COPB1: variants seen among roughly 807,000 people sequenced by gnomAD.
COPB1 encodes the protein coat protein complex I subunit beta 1, also known as coatomer subunit beta.
Under a neutral mutation model 108.7 loss-of-function variants are expected in COPB1, and 21 were observed. The ratio of observed to expected loss-of-function variants is 0.19; its 90% CI spans 0.14 to 0.28. The LOEUF (loss-of-function observed/expected upper bound fraction) is 0.28. Among genes scored for constraint, COPB1 ranks in the 10% least tolerant of loss-of-function variants. The probability of loss-of-function intolerance (pLI) is 1.00; values close to 1 mark genes in which losing one functional copy is unlikely to be tolerated. For missense variants in COPB1, 919 were observed against 1,141.3 expected, an observed-to-expected ratio of 0.81 and a Z score of 2.81; for synonymous variants, 378 against 386.8, an observed-to-expected ratio of 0.98 and a Z score of 0.27.
chr11:14,470,011 A>G (rs1850366598), intron 14 of COPB1, among the ~76,000 whole-genome samples: 1 of 152,214 alleles, frequency 6.6e-6, no homozygotes, highest in Non-Finnish European at 1.5e-5. Context: ...TTCATCTCCT[A>G]AGAGTCAGAA....
At chr11:14,482,572 T>C (rs1349998352) in intron 8 of COPB1, among the ~76,000 whole-genome samples, 2 of 152,158 alleles carry the variant, frequency 1.3e-5, no homozygotes. Flanking sequence ...TCTCACTCTG[T>C]TGCCCAGGCT....
At chr11:14,492,829 T>C (rs1423023125) in intron 4 of COPB1, among the ~76,000 whole-genome samples, 1 of 152,160 alleles carries the variant, frequency 6.6e-6, no homozygotes, top group Non-Finnish European at 1.5e-5. Context: ...TTCATCTAAC[T>C]GGTTCCTTAA....
chr11:14,496,472 GATACCTA>G (rs1196170079), intron 2 of COPB1, among the ~76,000 whole-genome samples: 2 of 152,012 alleles, frequency 1.3e-5, no homozygotes, highest in East Asian at 3.9e-4. Context: ...GATAAAATTA[GATACCTA>G]GGAATTAATT....
intron 11 of COPB1, chr11:14,479,009 C>A (rs2134112343): frequency 7.0e-6 from 1 of 142,026 alleles, no homozygotes; most frequent in Non-Finnish European, 1.5e-5. Context: ...ATTTTCTTCT[C>A]ACAAAGGAAG....
chr11:14,462,386 C>A (rs539826268), intron 18 of COPB1, among the ~76,000 whole-genome samples: 25 of 152,212 alleles, frequency 1.6e-4, no homozygotes, highest in Non-Finnish European at 3.1e-4. Context: ...GCGCCTGCCA[C>A]CGCGCCTGGC....
intron 18 of COPB1, among the ~76,000 whole-genome samples, chr11:14,462,565 T>C (rs2134093902): frequency 6.6e-6 from 1 of 152,302 alleles, no homozygotes; most frequent in South Asian, 2.1e-4. Context: ...TTCCACTCTT[T>C]CAACTTTCAG....
intron 2 of COPB1, 86 bp downstream of exon 2, chr11:14,498,752 C>T: frequency 1.9e-6 from 2 of 1,077,360 alleles, no homozygotes; most frequent in African/African-American, 1.6e-5. Context: ...TTAAGCATTT[C>T]TAATTATAAA....
chr11:14,477,131 C>G, intron 11 of COPB1, 116 bp from the exon 12 acceptor site: 1 of 721,044 alleles, frequency 1.4e-6, no homozygotes, highest in Non-Finnish European at 2.4e-6. Context: ...CGCCTGTAAT[C>G]CCAGCACTTT....
rs376447410 is a variant in COPB1, at chr11:14,468,710, C to T, written c.2116G>A (p.Ala706Thr). 6.2e-7 allele frequency: 1 copy of T among 1,614,088 alleles called. No individual in the cohort carries two copies. The highest frequency in any genetic ancestry group is 1.7e-5 in the Admixed American group (1 of 60,028). ...TTAAGTTTAGATGCTAGGGGATCTG[C>T]TGCCTCTTTCCTCTGTGTGTTACCC... ...AMGNTQRKEA[A>T]DPLASKLNKV... The change falls in exon 16 of 22, where the codon GCA becomes ACA. Residue 706 changes from alanine to threonine, a missense_variant. Physicochemically the swap from Ala to Thr is moderately conservative, Grantham distance 58. Around this residue, in one of 5 missense-constraint regions of COPB1, gnomAD observed 705 missense variants for 817.8 expected, o/e 0.86. Coordinates refer to ENST00000439561, the MANE Select transcript of COPB1 (RefSeq NM_001144061.2).
intron 18 of COPB1, among the ~76,000 whole-genome samples, chr11:14,462,259 G>T: frequency 6.9e-6 from 1 of 145,788 alleles, no homozygotes. Context: ...TTGAGATGGA[G>T]TTTCACTCTG....
chr11:14,491,820 G>C lies in COPB1; in HGVS notation c.492-1141C>G, dbSNP rs192259936. Reference sequence around the variant, plus strand: ...TTAACCAATGTCTCTAATAACTGTTGTGCATACATTTTAAGCATATCAATA... The same window carrying C: ...TTAACCAATGTCTCTAATAACTGTTCTGCATACATTTTAAGCATATCAATA... On this transcript the variant is annotated intron_variant, in intron 4 of 21. Transcript: ENST00000439561. Among the ~76,000 whole-genome samples the C allele has an allele frequency of 4.6e-5, 7 of 152,230 alleles. No individual in the cohort carries two copies. In the South Asian group the frequency reaches 6.2e-4, roughly 14 times the overall value.
intron 10 of COPB1, 38 bp from the exon 11 acceptor site, chr11:14,479,752 A>G (rs1171894938): frequency 6.6e-7 from 1 of 1,525,164 alleles, no homozygotes; most frequent in Admixed American, 2.2e-5. Context: ...GGAACTAACA[A>G]TTTTCGAAAA....
chr11:14,469,107 T>C (rs1210435151), intron 15 of COPB1, among the ~76,000 whole-genome samples: 2 of 152,104 alleles, frequency 1.3e-5, no homozygotes, highest in Non-Finnish European at 2.9e-5. Flanking sequence ...CGATCCTTCA[T>C]CCTCAGCCTT....
chr11:14,470,655 A>G (rs1850378626), intron 14 of COPB1, among the ~76,000 whole-genome samples: 1 of 152,166 alleles, frequency 6.6e-6, no homozygotes, highest in Admixed American at 6.5e-5. Context: ...GCAGAAGAGT[A>G]AGTATATGTC....
intron 11 of COPB1, 106 bp from the exon 12 acceptor site, chr11:14,477,121 C>G (rs900195701): frequency 1.3e-6 from 1 of 772,400 alleles, no homozygotes; most frequent in Admixed American, 2.0e-5. Flanking sequence ...CAGGCACTCA[C>G]GCCTGTAATC....
chr11:14,470,944 A>ACACACACACACACACACACACTCT (rs1285522756), intron 14 of COPB1, among the ~76,000 whole-genome samples: 1 of 90,156 alleles, frequency 1.1e-5, no homozygotes, highest in African/African-American at 5.2e-5. Flanking sequence ...ACACACACAC[A>ACACACACACACACACACACACTCT]CTCTCTCTCT....
intron 14 of COPB1, among the ~76,000 whole-genome samples, chr11:14,473,832 CATTT>C (rs1455372195): frequency 2.9e-5 from 4 of 135,984 alleles, no homozygotes; most frequent in Non-Finnish European, 6.4e-5. Context: ...CACAAACCTT[CATTT>C]GTTTAAAAAA....
chr11:14,470,895 G>T (rs906145291), intron 14 of COPB1, among the ~76,000 whole-genome samples: 1 of 116,474 alleles, frequency 8.6e-6, no homozygotes, highest in African/African-American at 3.4e-5. Flanking sequence ...ACCAGTGGAA[G>T]AAATACACAC....
rs770139260 is a variant in COPB1 at position 14,476,869 on chromosome 11, C to T, written c.1455+50G>A. ...AATCACTATAAAAAGTCAGATTTTC[C>T]TAAAGGAAAAATTACCATATAAACT... On this transcript the variant is annotated intron_variant, in intron 12 of 21. Coordinates refer to ENST00000439561, the MANE Select transcript of COPB1 (RefSeq NM_001144061.2). 4 of 1,215,368 alleles carry T rather than the reference C, an allele frequency of 3.3e-6. No individual in the cohort carries two copies. In the South Asian group the frequency reaches 5.0e-5, roughly 15 times the overall value. The allele number at this position is 1,215,368 out of a possible 1,614,324, so 75.3% of individuals were successfully genotyped here.
Sources: gnomAD v4.1 joint callset for allele counts (sites outside exome capture counted in the v4.1 genomes callset) on GRCh38, gnomAD v4.1.1 for gene constraint, gnomAD v4.1.1 regional missense constraint, MANE v1.5 for transcripts, NCBI Gene and HGNC (gene_info 2026-07-23, HGNC 2026-07-21) for gene names.